Variants in NALCN observed in about 807,000 individuals in gnomAD.
NALCN encodes the protein sodium leak channel NALCN.
In NALCN, 111 loss-of-function variants were observed where a neutral mutation model predicts 225.3. The observed-to-expected ratio is 0.49, with a 90% CI of 0.42 to 0.58. NALCN has a LOEUF of 0.58. NALCN is among the 20% of genes least tolerant of loss of function. NALCN has a pLI of 0.00. For synonymous variants in NALCN, 764 were observed against 769.0 expected, an observed-to-expected ratio of 0.99 and a Z score of 0.11; for missense variants, 1,378 against 2,202.4, an observed-to-expected ratio of 0.63 and a Z score of 7.49.
intron 42 of NALCN, chr13:101,058,858 C>T (rs914357138): frequency 2.6e-5 from 4 of 152,212 alleles, no homozygotes; most frequent in Non-Finnish European, 5.9e-5. Flanking sequence ...AGATGCCTCC[C>T]CTTGCCCCTT....
intron 11 of NALCN, among the ~76,000 whole-genome samples, chr13:101,257,697 T>G (rs1479339631): frequency 3.3e-5 from 5 of 152,156 alleles, no homozygotes; most frequent in Non-Finnish European, 7.3e-5. Flanking sequence ...TTCTACGTTG[T>G]CAATCAATTT....
At chr13:101,102,240 G>A (rs182893346) in intron 26 of NALCN, among the ~76,000 whole-genome samples, 129 of 151,618 alleles carry the variant, frequency 8.5e-4, no homozygotes, top group Admixed American at 2.9e-3. Flanking sequence ...CTGAGATTGC[G>A]CCATTGCACT....
rs2039903309 is a variant in NALCN at position 101,196,650 on chromosome 13, C to T, written c.1627-4596G>A. Among the ~76,000 whole-genome samples the T allele has an allele frequency of 2.0e-5, 3 of 152,138 alleles. No individual in the cohort carries two copies. In the South Asian group the frequency reaches 6.2e-4, roughly 32 times the overall value. On this transcript the variant is annotated intron_variant, in intron 13 of 43. Coordinates refer to ENST00000251127, the MANE Select transcript of NALCN (RefSeq NM_052867.4). ...AGGGGTACAGGGAGAGAAGTATTAG[C>T]TGAGGCTGTGTATGGGCAATTATGC... is the stretch of plus-strand genomic sequence containing the variant.
intron 11 of NALCN, among the ~76,000 whole-genome samples, chr13:101,241,591 T>A (rs2041760393): frequency 6.6e-6 from 1 of 152,062 alleles, no homozygotes; most frequent in Non-Finnish European, 1.5e-5. Flanking sequence ...TACAGGCACA[T>A]GCCACCATGC....
chr13:101,146,815 A>AC (rs1380775746), intron 15 of NALCN, among the ~76,000 whole-genome samples: 1 of 152,198 alleles, frequency 6.6e-6, no homozygotes, highest in African/African-American at 2.4e-5. Context: ...CACGGAGCCC[A>AC]CAGTATAACT....
chr13:101,117,600 T>C (rs2035778008), intron 18 of NALCN, among the ~76,000 whole-genome samples: 1 of 152,264 alleles, frequency 6.6e-6, no homozygotes, highest in African/African-American at 2.4e-5. Flanking sequence ...GAATGCCATA[T>C]AGTTAGAATC....
chr13:101,288,398 A>G (rs2043421358), intron 9 of NALCN, among the ~76,000 whole-genome samples: 1 of 152,212 alleles, frequency 6.6e-6, no homozygotes, highest in African/African-American at 2.4e-5. Context: ...TTTTTGGAGG[A>G]GAAATTCTTT....
Position 101,376,828 on chromosome 13 carries a change from C to T in NALCN, c.516G>A (p.Lys172=). 6.2e-7 allele frequency: 1 copy of T among 1,612,160 alleles called. No individual in the cohort carries two copies. Among genetic ancestry groups the T allele is most frequent in the Non-Finnish European group, 8.5e-7 (1 of 1,179,544 alleles). ...CACTCCATATTTGTTCTCCCGATCG[C>T]CTAGAGAAACAAAAGTAGGTAAAGT... The part of the protein sequence containing the change: ...LPRTRITNIL[K]RSGEQIWSVS... Residue 172 remains lysine, a splice_region_variant and synonymous_variant, in exon 6 of 44, where the codon AAG becomes AAA. Transcript: ENST00000251127.
intron 6 of NALCN, among the ~76,000 whole-genome samples, chr13:101,360,894 C>G (rs2046233332): frequency 6.6e-6 from 1 of 152,098 alleles, no homozygotes; most frequent in African/African-American, 2.4e-5. Flanking sequence ...AAGCAGCTAG[C>G]TAGAAGACTA....
chr13:101,231,997 CTT>C (rs35977237), intron 12 of NALCN, among the ~76,000 whole-genome samples: 95 of 139,300 alleles, frequency 6.8e-4, no homozygotes, highest in Non-Finnish European at 8.1e-4. Context: ...TGTTCTATTT[CTT>C]TTTTTTTTTT....
chr13:101,085,719 G>T (rs185323335), intron 30 of NALCN, among the ~76,000 whole-genome samples: 6 of 152,214 alleles, frequency 3.9e-5, no homozygotes, highest in African/African-American at 1.4e-4. Flanking sequence ...AACATTATTT[G>T]CTGCTTATCT....
chr13:101,073,478 A>G, intron 37 of NALCN, 106 bp downstream of exon 37: 3 of 846,938 alleles, frequency 3.5e-6, no homozygotes, highest in Non-Finnish European at 5.4e-6. Context: ...TTTATATTTC[A>G]TACATAAAGT....
At chr13:101,100,450 C>T (rs1488197945) in intron 27 of NALCN, among the ~76,000 whole-genome samples, 1 of 152,150 alleles carries the variant, frequency 6.6e-6, no homozygotes, top group South Asian at 2.1e-4. Flanking sequence ...CCAGAAGAGA[C>T]ATATCACATG....
intron 15 of NALCN, among the ~76,000 whole-genome samples, chr13:101,163,320 A>G (rs1335832085): frequency 6.6e-6 from 1 of 152,218 alleles, no homozygotes; most frequent in East Asian, 1.9e-4. Flanking sequence ...CCACCATTGT[A>G]GACTCGAGTG....
At chr13:101,406,710 AC>A (rs1441070522) in intron 1 of NALCN, among the ~76,000 whole-genome samples, 2 of 152,002 alleles carry the variant, frequency 1.3e-5, no homozygotes, top group East Asian at 1.9e-4. Context: ...TATCTAAATA[AC>A]CCTTTCAAGT....
chr13:101,263,275 T>G (rs1482102876), intron 10 of NALCN, among the ~76,000 whole-genome samples: 1 of 152,226 alleles, frequency 6.6e-6, no homozygotes, highest in Non-Finnish European at 1.5e-5. Flanking sequence ...TGCACATCAA[T>G]TTACTTGCAG....
intron 15 of NALCN, among the ~76,000 whole-genome samples, chr13:101,157,209 T>C (rs1298076871): frequency 6.6e-6 from 1 of 152,180 alleles, no homozygotes; most frequent in African/African-American, 2.4e-5. Flanking sequence ...GCTAAATACA[T>C]GTATGTGTGT....
intron 15 of NALCN, among the ~76,000 whole-genome samples, chr13:101,152,176 T>C (rs1179835354): frequency 6.6e-6 from 1 of 152,212 alleles, no homozygotes; most frequent in East Asian, 1.9e-4. Flanking sequence ...GGTTAGCCTA[T>C]GGGCCATAAA....
chr13:101,104,841 AT>A lies in NALCN; in HGVS notation c.2636+52del. 6.3e-7 allele frequency: 1 copy of A among 1,593,974 alleles called. No individual in the cohort carries two copies. Among genetic ancestry groups the A allele is most frequent in the South Asian group, 1.1e-5 (1 of 90,608 alleles). On this transcript the variant is annotated intron_variant, in intron 23 of 43. Coordinates refer to ENST00000251127, the MANE Select transcript of NALCN (RefSeq NM_052867.4). The surrounding 1 kb of genome is among the most constrained non-coding windows in gnomAD (Gnocchi z 4.2). Reference sequence around the variant, plus strand: ...TTTTAATCGTTGTATGCAGCATAAAATAGTACATGAAAACTTTAAATGTGCA... The same window carrying A: ...TTTTAATCGTTGTATGCAGCATAAAAAGTACATGAAAACTTTAAATGTGCA...
Sources: allele counts gnomAD v4.1 joint callset (sites outside exome capture counted in the v4.1 genomes callset), GRCh38; gene constraint gnomAD v4.1.1; non-coding constraint Gnocchi (gnomAD v3.1); transcripts MANE v1.5; gene names NCBI Gene and HGNC (gene_info 2026-07-23, HGNC 2026-07-21).